The following NPNT variants were observed in gnomAD, a reference collection of about 807,000 sequenced individuals.
The protein encoded by NPNT is nephronectin, also known as preosteoblast EGF-like repeat protein with MAM domain.
NPNT carries 45 observed loss-of-function variants against 68.6 expected under a neutral mutation model. The ratio of observed to expected loss-of-function variants is 0.66; its 90% CI spans 0.52 to 0.84. The LOEUF (loss-of-function observed/expected upper bound fraction) is 0.84. Among genes scored for constraint, NPNT ranks in the 40% least tolerant of loss-of-function variants. The pLI, the probability that NPNT is intolerant of heterozygous loss-of-function variation, is 0.00. For synonymous variants in NPNT, 233 were observed against 253.3 expected (o/e 0.92, Z 0.76); for missense variants, 672 against 714.8 (o/e 0.94, Z 0.68).
chr4:105,924,326 C>G (rs558347241), intron 2 of NPNT, among the ~76,000 whole-genome samples: 275 of 152,278 alleles, frequency 1.8e-3, no homozygotes, highest in Admixed American at 3.1e-3. Context: ...TTATTGAATT[C>G]CATTCCAGAA....
At chr4:105,895,846 G>GC in intron 1 of NPNT, 123 bp downstream of exon 1, 1 of 848,270 alleles carries the variant, frequency 1.2e-6, no homozygotes. Context: ...CAGAAGTTGG[G>GC]CCACCGCACA....
intron 10 of NPNT, among the ~76,000 whole-genome samples, chr4:105,959,698 A>G (rs891628510): frequency 1.8e-4 from 28 of 151,916 alleles, no homozygotes; most frequent in Non-Finnish European, 3.7e-4. Context: ...AGTTCCTTGG[A>G]ACTCAAAGGA....
chr4:105,929,177 C>A (rs578251457), intron 3 of NPNT, among the ~76,000 whole-genome samples: 1 of 152,202 alleles, frequency 6.6e-6, no homozygotes, highest in East Asian at 1.9e-4. Flanking sequence ...GTTCAACTCC[C>A]ACTTATGAAT....
intron 5 of NPNT, 67 bp downstream of exon 5, chr4:105,938,487 A>G: frequency 6.5e-7 from 1 of 1,542,356 alleles, no homozygotes; most frequent in Non-Finnish European, 8.8e-7. Flanking sequence ...GTGAAAGGTG[A>G]TGGGAATAAG....
chr4:105,971,628 C>T lies in NPNT; in HGVS notation c.*2638C>T, dbSNP rs1732571194. On this transcript the variant is annotated 3_prime_UTR_variant, in exon 12 of 12. Transcript: ENST00000379987. ...AAATGTTAGTGGTTTTCCAAATGGC[C>T]TAATAAAAACAATTATTTGTAAATA... is the stretch of plus-strand genomic sequence containing the variant. The T allele has an allele frequency of 6.5e-6, 1 of 152,672 alleles. No homozygotes were observed. The highest frequency in any genetic ancestry group is 2.1e-4 in the South Asian group (1 of 4,826). 9.5% of individuals were successfully genotyped at this position (152,672 alleles called of 1,614,324 possible).
At chr4:105,899,610 A>C (rs962917489) in intron 2 of NPNT, among the ~76,000 whole-genome samples, 1 of 152,226 alleles carries the variant, frequency 6.6e-6, no homozygotes, top group Non-Finnish European at 1.5e-5. Flanking sequence ...CGCACATAGC[A>C]GTTAGGCAAA....
chr4:105,945,048 C>T (rs1358217182), intron 8 of NPNT, among the ~76,000 whole-genome samples: 1 of 152,140 alleles, frequency 6.6e-6, no homozygotes, highest in African/African-American at 2.4e-5. Context: ...TAGCTCACCT[C>T]ATTTCATAAA....
chr4:105,923,858 TAA>T (rs1307901703), intron 2 of NPNT, among the ~76,000 whole-genome samples: 1 of 151,996 alleles, frequency 6.6e-6, no homozygotes. Context: ...CTCAAAAAAA[TAA>T]AAATTTTAAA....
intron 7 of NPNT, 71 bp downstream of exon 7, chr4:105,940,707 G>A: frequency 3.2e-6 from 4 of 1,266,952 alleles, no homozygotes; most frequent in East Asian, 2.4e-5. Flanking sequence ...CCATTGCTAG[G>A]GAAAATAAGG....
intron 8 of NPNT, among the ~76,000 whole-genome samples, chr4:105,952,426 T>C (rs529700549): frequency 2.0e-5 from 3 of 152,334 alleles, no homozygotes; most frequent in South Asian, 4.1e-4. Context: ...CTCAACTTCT[T>C]TACTGTGAAA....
chr4:105,923,837 C>G (rs1257865831), intron 2 of NPNT, among the ~76,000 whole-genome samples: 1 of 152,088 alleles, frequency 6.6e-6, no homozygotes, highest in African/African-American at 2.4e-5. Context: ...CCATTACTAA[C>G]CCATCCCCCA....
intron 1 of NPNT, chr4:105,896,040 C>A: frequency 2.6e-6 from 1 of 391,984 alleles, no homozygotes; most frequent in Non-Finnish European, 4.6e-6. Context: ...CGCGGTTTAG[C>A]CACCTACGCC....
chr4:105,950,206 A>G (rs894495161), intron 8 of NPNT, among the ~76,000 whole-genome samples: 5 of 152,162 alleles, frequency 3.3e-5, no homozygotes, highest in African/African-American at 4.8e-5. Context: ...GCTATGTCCA[A>G]TTTTAGCTAG....
At chr4:105,941,279 T>C (rs1343935131) in intron 7 of NPNT, among the ~76,000 whole-genome samples, 2 of 152,008 alleles carry the variant, frequency 1.3e-5, no homozygotes, top group African/African-American at 4.8e-5. Flanking sequence ...ATCTTAAGAC[T>C]GCCATGAGCC....
intron 2 of NPNT, among the ~76,000 whole-genome samples, chr4:105,906,483 T>C (rs1375137661): frequency 6.8e-6 from 1 of 147,032 alleles, no homozygotes; most frequent in African/African-American, 2.7e-5. Context: ...AGAAGCATTA[T>C]GTGCATAGCT....
chr4:105,904,322 A>G (rs1726692008), intron 2 of NPNT, among the ~76,000 whole-genome samples: 1 of 152,202 alleles, frequency 6.6e-6, no homozygotes, highest in African/African-American at 2.4e-5. Context: ...TCAATTGCCC[A>G]ATGACTTCTT....
chr4:105,957,903 T>G (rs565802370), intron 8 of NPNT, among the ~76,000 whole-genome samples: 24 of 152,268 alleles, frequency 1.6e-4, no homozygotes, highest in Admixed American at 2.6e-4. Flanking sequence ...TGGGGTAGAT[T>G]GTAAACTCTG....
In NPNT at chr4:105,895,570, G is replaced by A. The variant is rs1725746380; in HGVS notation, c.-83G>A. 1 of 1,162,174 alleles carries A rather than the reference G, an allele frequency of 8.6e-7. No individual in the cohort carries two copies. Among genetic ancestry groups the A allele is most frequent in the South Asian group, 1.4e-5 (1 of 73,088 alleles). The allele number at this position is 1,162,174 out of a possible 1,614,324, so 72.0% of individuals were successfully genotyped here. Reference sequence around the variant, plus strand: ...GGCTGGGGGTTCCTCGAGACTCTCAGAGGGGCGCCTCCCATCGGCGCCCAC... The same window carrying A: ...GGCTGGGGGTTCCTCGAGACTCTCAAAGGGGCGCCTCCCATCGGCGCCCAC... On this transcript the variant is annotated 5_prime_UTR_variant, in exon 1 of 12. Transcript: ENST00000379987.
chr4:105,923,929 T>C (rs937463753), intron 2 of NPNT, among the ~76,000 whole-genome samples: 10 of 152,158 alleles, frequency 6.6e-5, no homozygotes, highest in African/African-American at 2.4e-4. Flanking sequence ...AGCTGGCCTT[T>C]TGTGATCTGT....
Sources: allele counts gnomAD v4.1 joint callset (sites outside exome capture counted in the v4.1 genomes callset), GRCh38; gene constraint gnomAD v4.1.1; transcripts MANE v1.5; gene names NCBI Gene and HGNC (gene_info 2026-07-23, HGNC 2026-07-21).